Variants in MBTPS1 observed in about 807,000 individuals in gnomAD.
MBTPS1 encodes the protein membrane bound transcription factor peptidase, site 1.
In MBTPS1, 94 loss-of-function variants were observed where a neutral mutation model predicts 127.8. That is an observed-to-expected ratio of 0.74 (90% CI 0.62 to 0.87). The LOEUF (loss-of-function observed/expected upper bound fraction) is 0.87. MBTPS1 is among the 40% of genes least tolerant of loss of function. The probability of loss-of-function intolerance (pLI) is 0.00; values close to 1 mark genes in which losing one functional copy is unlikely to be tolerated. For missense variants in MBTPS1, 1,636 were observed against 1,353.2 expected, an observed-to-expected ratio of 1.21 and a Z score of -3.28; for synonymous variants, 632 against 509.4, an observed-to-expected ratio of 1.24 and a Z score of -3.24.
intron 1 of MBTPS1, among the ~76,000 whole-genome samples, chr16:84,112,219 AAAAAACC>A (rs2086407216): frequency 6.6e-6 from 1 of 152,106 alleles, no homozygotes; most frequent in South Asian, 2.1e-4. Flanking sequence ...ATGACAACAA[AAAAAACC>A]ACTGAAAGAC....
At chr16:84,086,034 C>G (rs989183479) in intron 9 of MBTPS1, 1 of 152,098 alleles carries the variant, frequency 6.6e-6, no homozygotes, top group Non-Finnish European at 1.5e-5. Context: ...TGGGGCAAAA[C>G]GAAAATTAGA....
At position 84,099,287 on chromosome 16, in the gene MBTPS1, A is replaced by G. The variant is rs1310422585; in HGVS notation, c.187T>C (p.Tyr63His). The G allele has an allele frequency of 4.3e-6, 7 of 1,613,988 alleles. No individual in the cohort carries two copies. In the Admixed American group the frequency reaches 5.0e-5, roughly 12 times the overall value. ...GAATTTCTAGCTTTGGCTGTAAAGT[A>G]TCCATTGAAAGCCACAATATATTCT... Reference protein sequence around the residue: ...EYEYIVAFNGYFTAKARNSFI... With the variant: ...EYEYIVAFNGHFTAKARNSFI... The change falls in exon 3 of 23, where the codon TAC becomes CAC. Residue 63 changes from tyrosine (Y) to histidine (H), a missense_variant. Tyr to His is a moderately conservative substitution (Grantham distance 83, BLOSUM62 2). Transcript: ENST00000343411.
At chr16:84,109,639 G>C (rs932758772) in intron 1 of MBTPS1, 28 of 152,132 alleles carry the variant, frequency 1.8e-4, no homozygotes, top group African/African-American at 6.3e-4. Flanking sequence ...ACATTCTACA[G>C]AATCAACTGG....
Position 84,109,638 on chromosome 16 carries a change from A to T in MBTPS1, c.-325+7097T>A, listed in dbSNP as rs1465112720. ...CAACCCAAATTGAGGGACATTCTAC[A>T]GAATCAACTGGCCTAGAATTTTCCT... On this transcript the variant is annotated intron_variant, in intron 1 of 22. Coordinates refer to ENST00000343411, the MANE Select transcript of MBTPS1 (RefSeq NM_003791.4). 3.3e-5 allele frequency: 5 copies of T among 152,212 alleles called. No homozygotes were observed. In the East Asian group the frequency reaches 9.6e-4, roughly 29 times the overall value. 9.4% of individuals were successfully genotyped at this position (152,212 alleles called of 1,614,324 possible).
intron 8 of MBTPS1, among the ~76,000 whole-genome samples, chr16:84,089,846 T>C (rs138568108): frequency 2.6e-5 from 4 of 152,038 alleles, no homozygotes; most frequent in African/African-American, 9.7e-5. Flanking sequence ...CAGCCTTGAG[T>C]GGGGACATCA....
intron 4 of MBTPS1, among the ~76,000 whole-genome samples, chr16:84,094,353 C>A (rs183557480): frequency 9.9e-4 from 150 of 152,260 alleles, no homozygotes; most frequent in African/African-American, 3.5e-3. Flanking sequence ...CAAACTCTGC[C>A]GCAAGGAACA....
At chr16:84,099,384 C>G in intron 2 of MBTPS1, 74 bp from the exon 3 acceptor site, 3 of 1,468,086 alleles carry the variant, frequency 2.0e-6, no homozygotes, top group Admixed American at 2.2e-5. Context: ...TGTATCTAAT[C>G]TAAAATCTGG....
chr16:84,070,454 C>G (rs891818148), intron 13 of MBTPS1, 134 bp downstream of exon 13: 1 of 861,364 alleles, frequency 1.2e-6, no homozygotes, highest in South Asian at 1.7e-5. Flanking sequence ...CTGGAACCAT[C>G]AATTGTGGCC....
intron 11 of MBTPS1, chr16:84,075,794 T>A (rs1471350887): frequency 1.3e-5 from 2 of 152,154 alleles, no homozygotes; most frequent in African/African-American, 2.4e-5. Context: ...TCAACACATA[T>A]CACAGTTAAG....
At chr16:84,062,172 G>A (rs1340829961) in intron 19 of MBTPS1, among the ~76,000 whole-genome samples, 1 of 152,120 alleles carries the variant, frequency 6.6e-6, no homozygotes, top group Non-Finnish European at 1.5e-5. Flanking sequence ...CCAGGCTGGA[G>A]TGCAGTGGCA....
chr16:84,100,312 A>G (rs1004365517), intron 2 of MBTPS1, among the ~76,000 whole-genome samples: 11 of 152,218 alleles, frequency 7.2e-5, no homozygotes, highest in Non-Finnish European at 1.6e-4. Flanking sequence ...TGGGAGGCCA[A>G]TGCAGGAGGA....
chr16:84,056,109 A>G lies in MBTPS1; in HGVS notation c.2858T>C (p.Leu953Pro). The change falls in exon 22 of 23, where the codon CTC (leucine) becomes CCC (proline). Residue 953 changes from leucine to proline, a missense_variant. By Grantham distance (98) the Leu-to-Pro change is moderately conservative. Coordinates refer to ENST00000343411, the MANE Select transcript of MBTPS1 (RefSeq NM_003791.4). ...CACCACCTTGTCCAGGTCAATGGAG[A>G]GTAGCTTCTGATGTTTCCAAAGGTT... ...PSNLWKHQKLLSIDLDKVVLP... is the reference protein window; with the variant it reads ...PSNLWKHQKLPSIDLDKVVLP... 6.2e-7 allele frequency: 1 copy of G among 1,614,068 alleles called. No individual in the cohort carries two copies. The highest frequency in any genetic ancestry group is 8.5e-7 in the Non-Finnish European group (1 of 1,179,904).
chr16:84,094,266 A>C (rs1193968023), intron 4 of MBTPS1, among the ~76,000 whole-genome samples: 3 of 152,126 alleles, frequency 2.0e-5, no homozygotes, highest in Non-Finnish European at 4.4e-5. Flanking sequence ...GCGGGACACA[A>C]AAATGGGAAA....
intron 1 of MBTPS1, among the ~76,000 whole-genome samples, chr16:84,106,787 G>T (rs1018844012): frequency 6.6e-6 from 1 of 152,192 alleles, no homozygotes; most frequent in Non-Finnish European, 1.5e-5. Context: ...AAGAGCCAAG[G>T]GAGAGAAGAT....
Position 84,102,013 on chromosome 16 carries a change from C to T in MBTPS1, c.-230G>A. 1 of 508,308 alleles carries T rather than the reference C, an allele frequency of 2.0e-6. No individual in the cohort carries two copies. The highest frequency in any genetic ancestry group is 2.5e-5 in the South Asian group (1 of 40,580). 31.5% of individuals were successfully genotyped at this position (508,308 alleles called of 1,614,324 possible). On this transcript the variant is annotated 5_prime_UTR_variant, in exon 2 of 23. Transcript: ENST00000343411. Reference sequence around the variant, plus strand: ...CTTCTCCATCTTGGAAATAAGGCTTCTCTCACTCAGGCCGTGACGACTGAG... The same window carrying T: ...CTTCTCCATCTTGGAAATAAGGCTTTTCTCACTCAGGCCGTGACGACTGAG...
chr16:84,058,245 T>C (rs1356610962), intron 21 of MBTPS1, among the ~76,000 whole-genome samples: 1 of 152,240 alleles, frequency 6.6e-6, no homozygotes, highest in Non-Finnish European at 1.5e-5. Context: ...TTCAGCACTT[T>C]CGGTTTATGA....
intron 3 of MBTPS1, among the ~76,000 whole-genome samples, chr16:84,096,774 T>G (rs11863841): frequency 0.058 from 8,857 of 152,258 alleles, 809 homozygotes; most frequent in African/African-American, 0.2. Context: ...AAACGGTTCT[T>G]AATTGAAATT....
intron 11 of MBTPS1, among the ~76,000 whole-genome samples, chr16:84,079,132 G>A (rs1449108082): frequency 6.6e-6 from 1 of 152,150 alleles, no homozygotes; most frequent in Non-Finnish European, 1.5e-5. Flanking sequence ...CCGCTCTCTT[G>A]CTCCCTCTCT....
At position 84,067,882 on chromosome 16, in the gene MBTPS1, C is replaced by T. The variant is rs1032419582; in HGVS notation, c.2072-59G>A. On this transcript the variant is annotated intron_variant, in intron 15 of 22. Transcript: ENST00000343411. ...ACTTCTGAATGACAGGACACCACCA[C>T]GGCAGAAACAGTGTCACCAGGTACA... 5.2e-5 allele frequency: 79 copies of T among 1,526,912 alleles called. 1 individual carries two copies. Among genetic ancestry groups the T allele is most frequent in the South Asian group, 1.1e-4 (9 of 85,198 alleles). 94.6% of individuals were successfully genotyped at this position (1,526,912 alleles called of 1,614,324 possible). A position where few individuals can be genotyped will look rare whatever the true frequency, so the allele number is the denominator to read the frequency against.
Sources: gnomAD v4.1 joint callset for allele counts (sites outside exome capture counted in the v4.1 genomes callset) on GRCh38, gnomAD v4.1.1 for gene constraint, MANE v1.5 for transcripts, NCBI Gene and HGNC (gene_info 2026-07-23, HGNC 2026-07-21) for gene names.